RPF2: variants seen among roughly 807,000 people sequenced by gnomAD.
RPF2 encodes ribosome production factor 2 homolog.
In RPF2, 21 loss-of-function variants were observed where a neutral mutation model predicts 38.9. That is an observed-to-expected ratio of 0.54 (90% CI 0.38 to 0.78). The LOEUF (loss-of-function observed/expected upper bound fraction) is 0.78, where lower values mean the gene tolerates loss of function less well. Among genes scored for constraint, RPF2 ranks in the 30% least tolerant of loss-of-function variants. The probability of loss-of-function intolerance (pLI) is 0.00; values close to 1 mark genes in which losing one functional copy is unlikely to be tolerated. For missense variants in RPF2, 314 were observed against 358.1 expected (o/e 0.88, Z 0.99); for synonymous variants, 121 against 126.2 (o/e 0.96, Z 0.28).
intron 4 of RPF2, among the ~76,000 whole-genome samples, chr6:110,992,875 G>A (rs139054537): frequency 1.3e-3 from 193 of 152,190 alleles, no homozygotes; most frequent in African/African-American, 4.5e-3. Flanking sequence ...CTAGGAGTTC[G>A]AGACCAGCTT....
chr6:111,006,727 G>A lies in RPF2; in HGVS notation c.394-1311G>A, dbSNP rs550361097. Reference sequence around the variant, plus strand: ...GGCTCAAGCGATCCTCCTACCTCACGTTCCGAGTGGCTGGGACCATAGGCA... The same window carrying A: ...GGCTCAAGCGATCCTCCTACCTCACATTCCGAGTGGCTGGGACCATAGGCA... On this transcript the variant is annotated intron_variant, in intron 6 of 9. Coordinates refer to ENST00000441448, the MANE Select transcript of RPF2 (RefSeq NM_032194.3). Among the ~76,000 whole-genome samples the A allele has an allele frequency of 3.3e-5, 5 of 152,046 alleles. No individual in the cohort carries two copies. In the South Asian group the frequency reaches 6.2e-4, roughly 19 times the overall value.
chr6:110,983,260 C>T (rs990746838), intron 1 of RPF2, among the ~76,000 whole-genome samples: 8 of 152,194 alleles, frequency 5.3e-5, no homozygotes, highest in Non-Finnish European at 7.3e-5. Context: ...CTCCTACTGT[C>T]ACATCATAAA....
intron 6 of RPF2, among the ~76,000 whole-genome samples, chr6:111,003,008 C>T (rs926422142): frequency 3.3e-5 from 5 of 152,020 alleles, no homozygotes; most frequent in East Asian, 1.9e-4. Flanking sequence ...GTGATCCACC[C>T]GCCTCAGCCT....
chr6:110,989,461 T>C (rs540819771), intron 3 of RPF2, among the ~76,000 whole-genome samples: 2 of 152,288 alleles, frequency 1.3e-5, no homozygotes, highest in East Asian at 3.9e-4. Flanking sequence ...TTTTTCTTTT[T>C]TCCTTCTTTT....
chr6:111,007,713 G>A (rs1357927875), intron 6 of RPF2, among the ~76,000 whole-genome samples: 4 of 152,140 alleles, frequency 2.6e-5, no homozygotes, highest in Non-Finnish European at 4.4e-5. Context: ...GGGAGGCTGA[G>A]GCAGGCGGAT....
intron 6 of RPF2, among the ~76,000 whole-genome samples, chr6:111,002,045 C>T (rs1422789953): frequency 1.3e-5 from 2 of 152,070 alleles, no homozygotes; most frequent in Non-Finnish European, 2.9e-5. Flanking sequence ...CTTGGGAGGC[C>T]AAGGAAGGCA....
At position 111,024,611 on chromosome 6, in the gene RPF2, G is replaced by A. The variant is rs59642564; in HGVS notation, c.741+284G>A. Among the ~76,000 whole-genome samples, 490 of 151,726 alleles carry A rather than the reference G, an allele frequency of 3.2e-3. 2 individuals carry two copies. Among genetic ancestry groups the A allele is most frequent in the African/African-American group, 0.011 (462 of 41,312 alleles). On this transcript the variant is annotated intron_variant, in intron 9 of 9. Transcript: ENST00000441448. ...GCCTGTAGTCCCAGCTACTTGGGAG[G>A]CTGAGGCAGGAGAATGGCGTGAACC...
chr6:110,982,073 G>T lies in RPF2; in HGVS notation c.-34G>T, dbSNP rs368929713. On this transcript the variant is annotated 5_prime_UTR_variant, in exon 1 of 10. The change abolishes an upstream ATG in the 5' untranslated region. Coordinates refer to ENST00000441448, the MANE Select transcript of RPF2 (RefSeq NM_032194.3). ...ACGTAATCGCCGAGGGCACGTGCAT[G>T]CCCCCTGGTTAAGAGTTGCAGGTAG... 2.2e-4 allele frequency: 363 copies of T among 1,613,812 alleles called. 9 individuals carry two copies. The South Asian group carries it at 3.2e-3, about 14-fold the overall frequency.
intron 8 of RPF2, among the ~76,000 whole-genome samples, chr6:111,017,798 TC>T (rs1772154836): frequency 6.6e-6 from 1 of 151,400 alleles, no homozygotes. Context: ...GCTCCTCACT[TC>T]CCAGACGGGG....
At chr6:110,988,850 G>C in intron 2 of RPF2, 178 bp from the exon 3 acceptor site, 1 of 755,224 alleles carries the variant, frequency 1.3e-6, no homozygotes, top group Non-Finnish European at 2.0e-6. Flanking sequence ...TCTAGTCCAA[G>C]AATATTAAGC....
intron 3 of RPF2, among the ~76,000 whole-genome samples, chr6:110,991,081 T>G (rs921263168): frequency 1.3e-5 from 2 of 152,146 alleles, no homozygotes; most frequent in Non-Finnish European, 2.9e-5. Flanking sequence ...TGCTCGTCTC[T>G]TACATAAAAT....
At chr6:111,021,151 G>A (rs1772225386) in intron 8 of RPF2, among the ~76,000 whole-genome samples, 1 of 152,022 alleles carries the variant, frequency 6.6e-6, no homozygotes, top group Non-Finnish European at 1.5e-5. Flanking sequence ...CCTGGTGACA[G>A]AGCAAGACTC....
At chr6:110,985,776 A>G (rs917181819) in intron 2 of RPF2, among the ~76,000 whole-genome samples, 21 of 152,034 alleles carry the variant, frequency 1.4e-4, no homozygotes, top group Admixed American at 9.8e-4. Flanking sequence ...CGTCTCTACT[A>G]AAAGTACAAA....
intron 7 of RPF2, among the ~76,000 whole-genome samples, chr6:111,008,453 C>A (rs1771955607): frequency 6.6e-6 from 1 of 151,524 alleles, no homozygotes; most frequent in South Asian, 2.1e-4. Context: ...ACCTAAGTAT[C>A]TCGGGAGAGT....
chr6:110,984,002 C>A (rs1771478995), intron 1 of RPF2, among the ~76,000 whole-genome samples: 1 of 152,032 alleles, frequency 6.6e-6, no homozygotes, highest in Admixed American at 6.6e-5. Flanking sequence ...GCACTCCAGC[C>A]TGGGCGACAG....
At chr6:111,025,202 A>G (rs554243461) in intron 9 of RPF2, among the ~76,000 whole-genome samples, 6 of 152,348 alleles carry the variant, frequency 3.9e-5, no homozygotes, top group Non-Finnish European at 7.3e-5. Flanking sequence ...ATACTGAATT[A>G]GGATCTGTAT....
intron 8 of RPF2, among the ~76,000 whole-genome samples, chr6:111,023,911 C>T (rs1772276147): frequency 6.6e-6 from 1 of 151,956 alleles, no homozygotes; most frequent in Admixed American, 6.6e-5. Flanking sequence ...TGGCGTGAAC[C>T]TGGGAGGTGG....
Position 110,982,099 on chromosome 6 carries a change from C to T in RPF2, c.-8C>T, listed in dbSNP as rs775684677. ...CCCCCTGGTTAAGAGTTGCAGGTAGCGGTAGCGATGGACACTCTGGATCGA... is the reference window on the plus strand; with the variant it reads ...CCCCCTGGTTAAGAGTTGCAGGTAGTGGTAGCGATGGACACTCTGGATCGA... On this transcript the variant is annotated 5_prime_UTR_variant, in exon 1 of 10. Transcript: ENST00000441448. 1.2e-6 allele frequency: 2 copies of T among 1,614,152 alleles called. No individual in the cohort carries two copies. Among genetic ancestry groups the T allele is most frequent in the Non-Finnish European group, 8.5e-7 (1 of 1,179,996 alleles).
At chr6:110,986,134 T>C (rs1394518404) in intron 2 of RPF2, among the ~76,000 whole-genome samples, 4 of 152,072 alleles carry the variant, frequency 2.6e-5, no homozygotes, top group East Asian at 1.9e-4. Context: ...CTGTAAATAA[T>C]TGGGCATGGC....
Sources: allele counts gnomAD v4.1 joint callset (sites outside exome capture counted in the v4.1 genomes callset), GRCh38; gene constraint gnomAD v4.1.1; transcripts MANE v1.5; gene names NCBI Gene and HGNC (gene_info 2026-07-23, HGNC 2026-07-21).